The following SPIRE2 variants were observed in gnomAD, a reference collection of about 807,000 sequenced individuals.
The protein encoded by SPIRE2 is protein spire homolog 2.
SPIRE2 carries 76 observed loss-of-function variants against 80.7 expected under a neutral mutation model. The observed-to-expected ratio is 0.94, with a 90% CI of 0.78 to 1.14. The LOEUF (loss-of-function observed/expected upper bound fraction) is 1.14. Among genes scored for constraint, SPIRE2 ranks in the 50% most tolerant of loss-of-function variants. The pLI, the probability that SPIRE2 is intolerant of heterozygous loss-of-function variation, is 0.00. For synonymous variants in SPIRE2, 535 were observed against 432.6 expected (o/e 1.24, Z -2.94); for missense variants, 1,196 against 1,015.3 (o/e 1.18, Z -2.42).
intron 3 of SPIRE2, among the ~76,000 whole-genome samples, chr16:89,853,219 T>C (rs1172797789): frequency 6.6e-6 from 1 of 152,184 alleles, no homozygotes; most frequent in Non-Finnish European, 1.5e-5. Context: ...CCCAGGCTGG[T>C]CTCAAACTCT....
chr16:89,856,482 T>A (rs969977122), intron 7 of SPIRE2, among the ~76,000 whole-genome samples: 1 of 152,008 alleles, frequency 6.6e-6, no homozygotes. Context: ...TCTTGCTCTG[T>A]CGCCCAGGAT....
intron 1 of SPIRE2, among the ~76,000 whole-genome samples, chr16:89,839,235 G>A (rs757272428): frequency 3.9e-5 from 6 of 152,042 alleles, no homozygotes; most frequent in Non-Finnish European, 7.4e-5. Flanking sequence ...TTAGCTGGGC[G>A]TGGTGGCGGG....
chr16:89,847,978 C>T (rs1229249591), intron 2 of SPIRE2, among the ~76,000 whole-genome samples: 1 of 152,196 alleles, frequency 6.6e-6, no homozygotes, highest in East Asian at 1.9e-4. Flanking sequence ...TTGCTGCTTC[C>T]TCCCTCTGTC....
intron 1 of SPIRE2, among the ~76,000 whole-genome samples, chr16:89,834,424 G>A (rs567652949): frequency 3.8e-5 from 5 of 133,086 alleles, no homozygotes; most frequent in East Asian, 2.2e-4. Context: ...CCGCACTCGC[G>A]GTTGGCCATC....
intron 12 of SPIRE2, among the ~76,000 whole-genome samples, chr16:89,865,286 G>A (rs1039683466): frequency 3.3e-5 from 5 of 152,126 alleles, no homozygotes; most frequent in African/African-American, 9.7e-5. Context: ...GATTACAGGC[G>A]TAAGCCACCG....
chr16:89,833,115 C>A (rs1036065467), intron 1 of SPIRE2, among the ~76,000 whole-genome samples: 1 of 152,052 alleles, frequency 6.6e-6, no homozygotes, highest in African/African-American at 2.4e-5. Context: ...CCTCAGCCTC[C>A]GGAGTAGCTG....
At chr16:89,867,752 T>C (rs1416744022) in intron 12 of SPIRE2, among the ~76,000 whole-genome samples, 2 of 151,942 alleles carry the variant, frequency 1.3e-5, no homozygotes, top group East Asian at 3.9e-4. Flanking sequence ...GCCCAACTCA[T>C]TTTTGTATTT....
At chr16:89,839,507 C>A (rs975265403) in intron 1 of SPIRE2, among the ~76,000 whole-genome samples, 2 of 152,064 alleles carry the variant, frequency 1.3e-5, no homozygotes, top group Non-Finnish European at 2.9e-5. Flanking sequence ...TGGGCTGTTG[C>A]TAGTTCGTGG....
rs763864236 is a variant in SPIRE2, at chr16:89,854,512, G to C, written c.752G>C (p.Arg251Pro). ...GCCCGACTGTGGGTTCAGCTCATGC[G>C]GGAGCTCCGCCGCGGAGTGAAGCTG... ...DWARLWVQLM[R>P]ELRRGVKLKK... is the part of the protein sequence containing the mutation. The change falls in exon 5 of 15, where the codon CGG becomes CCG. Residue 251 changes from arginine to proline, a missense_variant. Transcript: ENST00000378247. 3.7e-6 allele frequency: 6 copies of C among 1,612,528 alleles called. No homozygotes were observed. The highest frequency in any genetic ancestry group is 2.7e-5 in the African/African-American group (2 of 74,948).
intron 1 of SPIRE2, among the ~76,000 whole-genome samples, chr16:89,837,930 A>G (rs1254734557): frequency 1.3e-5 from 2 of 152,192 alleles, no homozygotes; most frequent in Non-Finnish European, 2.9e-5. Context: ...TCTGTTTGCT[A>G]AACAAACACA....
chr16:89,863,724 G>A lies in SPIRE2; in HGVS notation c.1711-70G>A. On this transcript the variant is annotated intron_variant, in intron 11 of 14. Transcript: ENST00000378247. The surrounding 1 kb of genome is among the most constrained non-coding windows in gnomAD (Gnocchi z 4.3). ...TGATCTGGTTGGGAGCCCTGAGGGGGTAGCAGGGACAGGGCGGGACCCCAG... is the reference window on the plus strand; with the variant it reads ...TGATCTGGTTGGGAGCCCTGAGGGGATAGCAGGGACAGGGCGGGACCCCAG... 4 of 1,606,390 alleles carry A rather than the reference G, an allele frequency of 2.5e-6. No homozygotes were observed. The highest frequency in any genetic ancestry group is 1.7e-6 in the Non-Finnish European group (2 of 1,173,140).
intron 12 of SPIRE2, among the ~76,000 whole-genome samples, 175 bp from the exon 13 acceptor site, chr16:89,868,014 T>C (rs1567679413): frequency 6.6e-6 from 1 of 152,238 alleles, no homozygotes; most frequent in Admixed American, 6.5e-5. Flanking sequence ...GGTGGATACC[T>C]AAGTATAAAG....
At chr16:89,858,774 G>A (rs775093249) in intron 8 of SPIRE2, among the ~76,000 whole-genome samples, 7 of 152,202 alleles carry the variant, frequency 4.6e-5, no homozygotes, top group African/African-American at 1.4e-4. Flanking sequence ...GAAGTGCCTC[G>A]CTGTCCCAGG....
chr16:89,868,894 G>A (rs953447979), intron 13 of SPIRE2, among the ~76,000 whole-genome samples: 24 of 150,826 alleles, frequency 1.6e-4, no homozygotes, highest in Non-Finnish European at 2.5e-4. Context: ...AGCCAGGCGC[G>A]GTGGCTCATG....
intron 9 of SPIRE2, among the ~76,000 whole-genome samples, chr16:89,860,412 C>T (rs1179965669): frequency 3.9e-5 from 6 of 152,134 alleles, no homozygotes; most frequent in Admixed American, 1.3e-4. Context: ...ACATGTTTCA[C>T]GATGCCTGCC....
At chr16:89,843,377 TC>T (rs1461388722) in intron 1 of SPIRE2, among the ~76,000 whole-genome samples, 15 of 152,116 alleles carry the variant, frequency 9.9e-5, no homozygotes, top group African/African-American at 3.4e-4. Flanking sequence ...CCAGGTTTCA[TC>T]AATGAAATAC....
chr16:89,855,718 C>T (rs369115522), intron 6 of SPIRE2, 32 bp downstream of exon 6: 26 of 1,603,288 alleles, frequency 1.6e-5, no homozygotes, highest in Non-Finnish European at 2.0e-5. Context: ...CCTCAGGGGC[C>T]GCCCGGGGCC....
At chr16:89,868,791 G>A (rs1217287892) in intron 13 of SPIRE2, among the ~76,000 whole-genome samples, 6 of 151,848 alleles carry the variant, frequency 4.0e-5, no homozygotes, top group Admixed American at 2.0e-4. Flanking sequence ...GGAGGTGGAG[G>A]CCACAGTGAG....
chr16:89,845,769 A>C (rs1598222844), intron 2 of SPIRE2: 1 of 603,522 alleles, frequency 1.7e-6, no homozygotes, highest in Non-Finnish European at 3.0e-6. Flanking sequence ...CAAAACTGGA[A>C]CCTCACCGCA....
Sources: allele counts gnomAD v4.1 joint callset (sites outside exome capture counted in the v4.1 genomes callset), GRCh38; gene constraint gnomAD v4.1.1; non-coding constraint Gnocchi (gnomAD v3.1); transcripts MANE v1.5; gene names NCBI Gene and HGNC (gene_info 2026-07-23, HGNC 2026-07-21).